SEMA6D: variants seen among roughly 807,000 people sequenced by gnomAD.
SEMA6D encodes the protein semaphorin 6D.
In SEMA6D, 35 loss-of-function variants were observed where a neutral mutation model predicts 106.6. The ratio of observed to expected loss-of-function variants is 0.33; its 90% CI spans 0.25 to 0.44. The LOEUF (loss-of-function observed/expected upper bound fraction) is 0.44. SEMA6D is among the 20% of genes least tolerant of loss of function. SEMA6D has a pLI of 1.00. For missense variants in SEMA6D, 1,185 were observed against 1,345.9 expected (o/e 0.88, Z 1.87); for synonymous variants, 499 against 487.7 (o/e 1.02, Z -0.31).
chr15:47,329,772 A>C (rs1207894127), intron 1 of SEMA6D, among the ~76,000 whole-genome samples: 1 of 152,140 alleles, frequency 6.6e-6, no homozygotes, highest in Non-Finnish European at 1.5e-5. Context: ...TTAGGGTTGG[A>C]ACTATCTGTG....
At chr15:47,375,164 T>C (rs1047428154) in intron 1 of SEMA6D, among the ~76,000 whole-genome samples, 1 of 152,204 alleles carries the variant, frequency 6.6e-6, no homozygotes, top group African/African-American at 2.4e-5. Context: ...CCAGGTGGTA[T>C]AGATGCTCTG....
intron 1 of SEMA6D, among the ~76,000 whole-genome samples, chr15:47,316,703 A>G (rs2036697319): frequency 6.8e-6 from 1 of 145,990 alleles, no homozygotes; most frequent in Admixed American, 6.9e-5. Context: ...TAGCTTGGTG[A>G]TGTGTAGGTC....
intron 3 of SEMA6D, among the ~76,000 whole-genome samples, chr15:47,510,128 A>G (rs937440588): frequency 5.9e-5 from 9 of 152,134 alleles, no homozygotes; most frequent in African/African-American, 2.2e-4. Context: ...GCCTACTAGG[A>G]ACCAGGCCAC....
rs534760979 is a variant in SEMA6D at position 47,372,386 on chromosome 15, G to T, written c.-238-40007G>T. ...AAAATTTCACATACTCAAACTGATG[G>T]ATGAAATAACATGGACATTCTTTGT... On this transcript the variant is annotated intron_variant, in intron 1 of 19. Transcript: ENST00000558014. Among the ~76,000 whole-genome samples, 7 of 152,306 alleles carry T rather than the reference G, an allele frequency of 4.6e-5. No homozygotes were observed. In the South Asian group the frequency reaches 1.2e-3, roughly 27 times the overall value.
At chr15:47,535,069 CAA>C (rs796493775) in intron 3 of SEMA6D, among the ~76,000 whole-genome samples, 26 of 93,254 alleles carry the variant, frequency 2.8e-4, no homozygotes, top group African/African-American at 5.5e-4. Context: ...AAGAATGTGA[CAA>C]AAAAAAAAAA....
chr15:47,620,713 C>CAT (rs1285671747), intron 4 of SEMA6D, among the ~76,000 whole-genome samples: 2 of 144,418 alleles, frequency 1.4e-5, no homozygotes, highest in Admixed American at 6.9e-5. Flanking sequence ...TATATATACA[C>CAT]ACATATATAT....
At chr15:47,597,642 C>A (rs2076563746) in intron 3 of SEMA6D, among the ~76,000 whole-genome samples, 1 of 151,694 alleles carries the variant, frequency 6.6e-6, no homozygotes, top group South Asian at 2.1e-4. Flanking sequence ...CATGTTCTCA[C>A]TTATATATGG....
chr15:47,574,296 G>T (rs1364952641), intron 3 of SEMA6D, among the ~76,000 whole-genome samples: 3 of 152,194 alleles, frequency 2.0e-5, no homozygotes, highest in Non-Finnish European at 4.4e-5. Flanking sequence ...ACTTCAGATT[G>T]ATTGTCCTCA....
intron 1 of SEMA6D, among the ~76,000 whole-genome samples, chr15:47,334,379 G>A (rs989309306): frequency 1.3e-5 from 2 of 152,196 alleles, no homozygotes; most frequent in Non-Finnish European, 2.9e-5. Context: ...CTGTCAGTCA[G>A]AATTTCTGGG....
At chr15:47,341,772 A>G (rs887457819) in intron 1 of SEMA6D, among the ~76,000 whole-genome samples, 1 of 152,160 alleles carries the variant, frequency 6.6e-6, no homozygotes, top group Non-Finnish European at 1.5e-5. Flanking sequence ...CTCTATAGCT[A>G]TAGGGCTTCA....
chr15:47,525,108 T>C (rs2044709460), intron 3 of SEMA6D: 1 of 152,252 alleles, frequency 6.6e-6, no homozygotes, highest in African/African-American at 2.4e-5. Context: ...TCCATGTGAC[T>C]TTGCCCCCTG....
At chr15:47,652,950 A>G (rs1253681709) in intron 4 of SEMA6D, among the ~76,000 whole-genome samples, 1 of 152,208 alleles carries the variant, frequency 6.6e-6, no homozygotes, top group African/African-American at 2.4e-5. Flanking sequence ...AACCAAGATT[A>G]TATAAATTTT....
In SEMA6D at chr15:47,751,924, G is replaced by A. The variant is rs557424112; in HGVS notation, c.-54-7821G>A. The stretch of plus-strand genomic sequence containing the variant: ...AGCCCAAGGATGGGAGGCAGAAAGG[G>A]CCACCATAGAGGGAAAGGAGGAGCG... On this transcript the variant is annotated intron_variant, in intron 1 of 18. Transcript: ENST00000536845. Among the ~76,000 whole-genome samples the A allele has an allele frequency of 3.9e-5, 6 of 152,268 alleles. No individual in the cohort carries two copies. The East Asian group carries it at 9.7e-4, about 24-fold the overall frequency.
At chr15:47,352,292 T>C (rs568301530) in intron 1 of SEMA6D, among the ~76,000 whole-genome samples, 6 of 152,334 alleles carry the variant, frequency 3.9e-5, no homozygotes, top group South Asian at 4.1e-4. Flanking sequence ...AAGATGTTTG[T>C]CATTGAATTG....
chr15:47,711,790 T>G (rs2079028934), intron 4 of SEMA6D, among the ~76,000 whole-genome samples: 1 of 151,040 alleles, frequency 6.6e-6, no homozygotes, highest in Non-Finnish European at 1.5e-5. Context: ...TTGTTTTCAT[T>G]TTTAGTGCCT....
rs535382089 is a variant in SEMA6D at position 47,353,293 on chromosome 15, C to T, written c.-238-59100C>T. On this transcript the variant is annotated intron_variant, in intron 1 of 19. Transcript: ENST00000558014. ...ACTGCATTCTATTTAGAAGACCACC[C>T]ACTCGTGCCCTCCCCAATTCATAAT... Among the ~76,000 whole-genome samples, 20 of 152,214 alleles carry T rather than the reference C, an allele frequency of 1.3e-4. No individual in the cohort carries two copies. The South Asian group carries it at 3.3e-3, about 25-fold the overall frequency.
At position 47,614,935 on chromosome 15, in the gene SEMA6D, C is replaced by A. The variant is rs1435085985; in HGVS notation, c.-55+14039C>A. 2.0e-5 allele frequency among the ~76,000 whole-genome samples: 3 copies of A among 152,238 alleles called. No homozygotes were observed. In the East Asian group the frequency reaches 5.8e-4, roughly 29 times the overall value. On this transcript the variant is annotated intron_variant, in intron 4 of 19. Coordinates refer to the SEMA6D transcript ENST00000558014. ...AGATAACATTTCTCTTAATGTCTGG[C>A]CAATTTTCGTCAATTATTTTTATTA...
chr15:47,415,107 A>C (rs1329604582), intron 2 of SEMA6D, among the ~76,000 whole-genome samples: 2 of 152,212 alleles, frequency 1.3e-5, no homozygotes, highest in Admixed American at 6.5e-5. Flanking sequence ...TTTGAACATT[A>C]GGTCAAAAAA....
Position 47,209,755 on chromosome 15 carries a change from G to A in SEMA6D, c.-239+25337G>A, listed in dbSNP as rs536600554. ...TCAGCAATGCTCGTATGCCAAACAA[G>A]GCTTAACTTCCTTGTTTCTAAGGAA... On this transcript the variant is annotated intron_variant, in intron 1 of 19. Transcript: ENST00000558014. Among the ~76,000 whole-genome samples the A allele has an allele frequency of 8.2e-4, 125 of 152,202 alleles. 1 individual carries two copies. The highest frequency in any genetic ancestry group is 3.0e-3 in the African/African-American group (124 of 41,524).
Sources: gnomAD v4.1 joint callset for allele counts (sites outside exome capture counted in the v4.1 genomes callset) on GRCh38, gnomAD v4.1.1 for gene constraint, MANE v1.5 for transcripts, NCBI Gene and HGNC (gene_info 2026-07-23, HGNC 2026-07-21) for gene names.